PRKG1: variants seen among roughly 807,000 people sequenced by gnomAD.
The protein encoded by PRKG1 is protein kinase cGMP-dependent 1.
PRKG1 carries 35 observed loss-of-function variants against 88.1 expected under a neutral mutation model. The ratio of observed to expected loss-of-function variants is 0.40; its 90% confidence interval spans 0.30 to 0.53. The LOEUF is 0.53. Ranked by LOEUF, PRKG1 falls within the 20% of genes least tolerant of loss-of-function variation. The pLI, the probability that PRKG1 is intolerant of heterozygous loss-of-function variation, is 0.59. For missense variants in PRKG1, 540 were observed against 839.8 expected, an observed-to-expected ratio of 0.64 and a Z score of 4.41; for synonymous variants, 303 against 292.5, an observed-to-expected ratio of 1.04 and a Z score of -0.37.
At chr10:51,566,668 C>T (rs188440609) in intron 3 of PRKG1, among the ~76,000 whole-genome samples, 4 of 151,754 alleles carry the variant, frequency 2.6e-5, no homozygotes, top group African/African-American at 4.8e-5. Flanking sequence ...CAGCTATGGG[C>T]GGGAAAACAT....
intron 5 of PRKG1, among the ~76,000 whole-genome samples, chr10:52,003,290 A>G (rs1844647074): frequency 6.6e-6 from 1 of 152,188 alleles, no homozygotes; most frequent in East Asian, 1.9e-4. Flanking sequence ...TATATGACCT[A>G]TGATGCAGCT....
chr10:52,286,726 A>G (rs1046883958), intron 14 of PRKG1, among the ~76,000 whole-genome samples: 2 of 151,866 alleles, frequency 1.3e-5, no homozygotes, highest in African/African-American at 4.8e-5. Flanking sequence ...CTCTAAATTC[A>G]GTTTGATTTT....
intron 5 of PRKG1, among the ~76,000 whole-genome samples, chr10:52,003,902 C>G (rs1589506606): frequency 1.3e-5 from 2 of 152,300 alleles, no homozygotes; most frequent in East Asian, 3.9e-4. Context: ...GGTAGCTCAG[C>G]TCCTTAATCT....
intron 2 of PRKG1, among the ~76,000 whole-genome samples, chr10:51,200,859 A>G (rs1438231402): frequency 6.6e-6 from 1 of 152,158 alleles, no homozygotes; most frequent in Admixed American, 6.5e-5. Flanking sequence ...TCTTTTATTA[A>G]TCATCGATCC....
intron 9 of PRKG1, among the ~76,000 whole-genome samples, chr10:52,248,795 CT>C (rs1358323875): frequency 6.6e-6 from 1 of 152,076 alleles, no homozygotes; most frequent in Non-Finnish European, 1.5e-5. Context: ...GTCGAGAGGT[CT>C]TTGCTGTAGA....
intron 3 of PRKG1, among the ~76,000 whole-genome samples, chr10:51,497,632 C>T (rs771558950): frequency 2.8e-4 from 43 of 152,132 alleles, no homozygotes; most frequent in Non-Finnish European, 1.3e-4. Flanking sequence ...GTTGATATTT[C>T]TGACAAAGAG....
intron 2 of PRKG1, among the ~76,000 whole-genome samples, chr10:51,394,748 G>A (rs1029597454): frequency 2.6e-4 from 39 of 152,268 alleles, no homozygotes; most frequent in Non-Finnish European, 4.4e-5. Context: ...TGTGAGGTAG[G>A]TGAAAAACTG....
intron 17 of PRKG1, among the ~76,000 whole-genome samples, chr10:52,292,256 C>A (rs1842267557): frequency 6.6e-6 from 1 of 150,984 alleles, no homozygotes; most frequent in African/African-American, 2.4e-5. Context: ...TGCAGGAGCT[C>A]TTTAGTTTAA....
chr10:51,591,588 A>G (rs987309543), intron 3 of PRKG1, among the ~76,000 whole-genome samples: 31 of 152,206 alleles, frequency 2.0e-4, no homozygotes, highest in African/African-American at 7.0e-4. Context: ...AACAAGATAC[A>G]GTTGGCACCC....
At chr10:51,046,492 G>T (rs983712500) in intron 1 of PRKG1, among the ~76,000 whole-genome samples, 2 of 152,168 alleles carry the variant, frequency 1.3e-5, no homozygotes, top group Non-Finnish European at 2.9e-5. Context: ...TGAAAATCAG[G>T]TTATTGCCAG....
chr10:51,656,526 G>A (rs899714484), intron 3 of PRKG1, among the ~76,000 whole-genome samples: 36 of 152,108 alleles, frequency 2.4e-4, no homozygotes, highest in Non-Finnish European at 7.4e-5. Context: ...CTCAGGAAGT[G>A]TTTGCTACCC....
chr10:51,444,497 G>A (rs1839213828), intron 2 of PRKG1, among the ~76,000 whole-genome samples: 1 of 151,874 alleles, frequency 6.6e-6, no homozygotes. Flanking sequence ...AAATGAAGTG[G>A]TTCAGTCCAA....
At chr10:51,854,098 G>C (rs1840622179) in intron 4 of PRKG1, among the ~76,000 whole-genome samples, 1 of 151,984 alleles carries the variant, frequency 6.6e-6, no homozygotes, top group South Asian at 2.1e-4. Context: ...CATTAATGGG[G>C]AGCAAAATTG....
In PRKG1 at chr10:52,280,428, T is replaced by G. The variant is rs1211477987; in HGVS notation, c.1404-361T>G. 2.0e-5 allele frequency among the ~76,000 whole-genome samples: 3 copies of G among 152,188 alleles called. No individual in the cohort carries two copies. In the East Asian group the frequency reaches 5.8e-4, roughly 29 times the overall value. On this transcript the variant is annotated intron_variant, in intron 12 of 17. Transcript: ENST00000373980. The stretch of plus-strand genomic sequence containing the variant: ...AAACAAATGCTTGGTAGGCAAGCTC[T>G]AAAATAGGATTATTTTTCTCTCCTG...
chr10:51,329,865 C>A (rs949469950), intron 2 of PRKG1, among the ~76,000 whole-genome samples: 3 of 149,286 alleles, frequency 2.0e-5, no homozygotes, highest in African/African-American at 7.3e-5. Flanking sequence ...ATTTCTCTTG[C>A]TGCTTTCAGG....
chr10:52,288,278 G>C (rs1279713841), intron 14 of PRKG1, among the ~76,000 whole-genome samples: 5 of 152,128 alleles, frequency 3.3e-5, no homozygotes, highest in Non-Finnish European at 5.9e-5. Flanking sequence ...CATTTCAGTG[G>C]AACAGAGAGA....
intron 3 of PRKG1, among the ~76,000 whole-genome samples, chr10:51,766,485 A>G (rs1170453479): frequency 1.3e-5 from 2 of 152,082 alleles, no homozygotes; most frequent in African/African-American, 2.4e-5. Context: ...CTGCCCCCCA[A>G]CCATGCCCCA....
intron 3 of PRKG1, 60 bp downstream of exon 3, chr10:51,467,896 T>A (rs1326220559): frequency 1.5e-6 from 2 of 1,379,222 alleles, no homozygotes; most frequent in Non-Finnish European, 2.0e-6. Flanking sequence ...GCCTTTGAGA[T>A]GTTGTTTAAA....
intron 9 of PRKG1, among the ~76,000 whole-genome samples, chr10:52,168,401 C>G (rs569738409): frequency 2.2e-4 from 34 of 152,046 alleles, no homozygotes; most frequent in South Asian, 6.2e-4. Flanking sequence ...AAGTGGGAAG[C>G]AACATTATAT....
Sources: allele counts gnomAD v4.1 joint callset (sites outside exome capture counted in the v4.1 genomes callset), GRCh38; gene constraint gnomAD v4.1.1; transcripts MANE v1.5; gene names NCBI Gene and HGNC (gene_info 2026-07-23, HGNC 2026-07-21).